Variants in STRA8 observed in about 807,000 individuals in gnomAD.
STRA8 encodes the protein stimulated by retinoic acid 8.
A neutral mutation model predicts 37.1 loss-of-function variants in STRA8; 18 were observed. That is an observed-to-expected ratio of 0.48 (90% confidence interval 0.34 to 0.72). The LOEUF is 0.72. STRA8 is among the 30% of genes least tolerant of loss of function. The pLI, the probability that STRA8 is intolerant of heterozygous loss-of-function variation, is 0.01. For synonymous variants in STRA8, 168 were observed against 162.9 expected (o/e 1.03, Z -0.24); for missense variants, 357 against 410.4 (o/e 0.87, Z 1.13).
upstream of STRA8, chr7:135,232,032 G>A (rs1464609250): frequency 6.2e-7 from 1 of 1,614,010 alleles, no homozygotes; most frequent in South Asian, 1.1e-5. Flanking sequence ...AAATCAGGCT[G>A]TGGCAGGTAA....
intron 6 of STRA8, among the ~76,000 whole-genome samples, chr7:135,248,463 G>A (rs961637114): frequency 3.9e-5 from 6 of 152,256 alleles, no homozygotes; most frequent in Middle Eastern, 3.4e-3. Flanking sequence ...CAGCACTTGG[G>A]GAGGCCGAGC....
At chr7:135,248,407 TA>T (rs1832595940) in intron 6 of STRA8, among the ~76,000 whole-genome samples, 1 of 141,230 alleles carries the variant, frequency 7.1e-6, no homozygotes, top group African/African-American at 2.6e-5. Context: ...AGTTTTTTTT[TA>T]AAGTCAGGTG....
chr7:135,245,244 G>A (rs1832528288), intron 4 of STRA8, 44 bp from the exon 5 acceptor site: 2 of 780,530 alleles, frequency 2.6e-6, no homozygotes, highest in Non-Finnish European at 4.8e-6. Flanking sequence ...ATGTTCATGA[G>A]GGATATTAAT....
intron 6 of STRA8, among the ~76,000 whole-genome samples, chr7:135,249,448 G>A (rs1832608448): frequency 6.6e-6 from 1 of 152,130 alleles, no homozygotes; most frequent in Non-Finnish European, 1.5e-5. Context: ...GCTGGGCGTG[G>A]TGGCGAGTGC....
chr7:135,234,103 G>GATTATT (rs1426903034), intron 1 of STRA8, among the ~76,000 whole-genome samples, 200 bp downstream of exon 1: 8 of 147,498 alleles, frequency 5.4e-5, no homozygotes, highest in African/African-American at 2.0e-4. Flanking sequence ...TGATGATGAT[G>GATTATT]ATTATTATTA....
Position 135,246,654 on chromosome 7 carries a change from C to G in STRA8, c.831C>G (p.Gly277=). 2 of 1,534,814 alleles carry G rather than the reference C, an allele frequency of 1.3e-6. No individual in the cohort carries two copies. Among genetic ancestry groups the G allele is most frequent in the Non-Finnish European group, 1.7e-6 (2 of 1,145,668 alleles). Residue 277 remains glycine (G), a synonymous_variant, in exon 6 of 9, where the codon GGC becomes GGG. Coordinates refer to ENST00000662584, the MANE Select transcript of STRA8 (RefSeq NM_001394401.1). This position sits in a 1 kb window ranked among gnomAD's most constrained non-coding sequence, Gnocchi z 5.4. Reference sequence around the variant, plus strand: ...CCGAGGGCAGCGTGAAGGACAGCGGCGTGGACAGCCAGGGGGCCAGCTGCT... The same window carrying G: ...CCGAGGGCAGCGTGAAGGACAGCGGGGTGGACAGCCAGGGGGCCAGCTGCT... ...ACAEGSVKDS[G]VDSQGASCSL...
At chr7:135,249,788 C>T (rs1172140566) in intron 6 of STRA8, among the ~76,000 whole-genome samples, 2 of 152,216 alleles carry the variant, frequency 1.3e-5, no homozygotes, top group Non-Finnish European at 2.9e-5. Flanking sequence ...CCAGGAAGAA[C>T]ACATCCAAAG....
intron 8 of STRA8, among the ~76,000 whole-genome samples, chr7:135,255,923 C>G (rs1330932935): frequency 2.6e-5 from 4 of 152,250 alleles, no homozygotes. Context: ...ATTTCATCAT[C>G]TTCTACAGTC....
intron 1 of STRA8, among the ~76,000 whole-genome samples, chr7:135,237,668 C>T (rs185431434): frequency 4.6e-5 from 7 of 152,182 alleles, no homozygotes; most frequent in African/African-American, 9.6e-5. Flanking sequence ...CCGAGGCAGG[C>T]GGATCAGGAG....
rs776378741 is a variant in STRA8, at chr7:135,240,495, A to T, written c.-6-24A>T. 1.9e-5 allele frequency: 30 copies of T among 1,598,174 alleles called. No individual in the cohort carries two copies. In the South Asian group the frequency reaches 2.9e-4, roughly 15 times the overall value. On this transcript the variant is annotated intron_variant, in intron 1 of 8. Coordinates refer to ENST00000662584, the MANE Select transcript of STRA8 (RefSeq NM_001394401.1). Reference sequence around the variant, plus strand: ...GTATTTTTATTATCTAGGGCAAAAAAAAAAGCATACTATTACATTACAGCT... The same window carrying T: ...GTATTTTTATTATCTAGGGCAAAAATAAAAGCATACTATTACATTACAGCT...
At position 135,251,859 on chromosome 7, in the gene STRA8, T is replaced by A; in HGVS notation, c.943T>A (p.Ser315Thr). 17 of 1,614,132 alleles carry A rather than the reference T, an allele frequency of 1.1e-5. No homozygotes were observed. Among genetic ancestry groups the A allele is most frequent in the African/African-American group, 1.3e-5 (1 of 75,028 alleles). ...GGACAAAAGTGAGGTTCCGAGTACA[T>A]CTAGCTCCAGGTGAGGAAGAGGGTG... ...FLDKSEVPST[S>T]SSSSVLASCN... Residue 315 changes from serine to threonine, a missense_variant, in exon 7 of 9, where the codon TCT (serine) becomes ACT (threonine). Ser to Thr is a moderately conservative substitution (Grantham distance 58). Transcript: ENST00000662584.
chr7:135,246,320 G>A lies in STRA8; in HGVS notation c.594-97G>A. The A allele has an allele frequency of 4.7e-6, 7 of 1,504,502 alleles. No individual in the cohort carries two copies. The highest frequency in any genetic ancestry group is 6.3e-6 in the Non-Finnish European group (7 of 1,107,498). The allele number at this position is 1,504,502 out of a possible 1,614,324, so 93.2% of individuals were successfully genotyped here. Reference sequence around the variant, plus strand: ...AGCCCTGGTGAGCCGTGGCGCCGTGGCCGGGCCTGCGTGCTGGGGTCCACA... The same window carrying A: ...AGCCCTGGTGAGCCGTGGCGCCGTGACCGGGCCTGCGTGCTGGGGTCCACA... On this transcript the variant is annotated intron_variant, in intron 5 of 8. Transcript: ENST00000662584. The surrounding 1 kb of genome is among the most constrained non-coding windows in gnomAD (Gnocchi z 5.4).
chr7:135,246,131 C>T lies in STRA8; in HGVS notation c.594-286C>T, dbSNP rs1204269826. The T allele has an allele frequency of 4.1e-6, 2 of 485,230 alleles. No homozygotes were observed. The highest frequency in any genetic ancestry group is 7.4e-6 in the Non-Finnish European group (2 of 270,090). 30.1% of individuals were successfully genotyped at this position (485,230 alleles called of 1,614,324 possible). A position where few individuals can be genotyped will look rare whatever the true frequency, so the allele number is the denominator to read the frequency against. ...TATTCCCTTAGGATGAGAGCTGAGGCAGCTACGCCTCTTATCTGCTTCTGT... is the reference window on the plus strand; with the variant it reads ...TATTCCCTTAGGATGAGAGCTGAGGTAGCTACGCCTCTTATCTGCTTCTGT... On this transcript the variant is annotated intron_variant, in intron 5 of 8. Transcript: ENST00000662584. The surrounding 1 kb of genome is among the most constrained non-coding windows in gnomAD (Gnocchi z 5.4).
Position 135,246,794 on chromosome 7 carries a change from G to T in STRA8, c.879+92G>T. The stretch of plus-strand genomic sequence containing the variant: ...CCAGGGCTTTGCATTTAGCAGGTTG[G>T]AGGTGCAGTTTGCCTTCTGGCTCCC... On this transcript the variant is annotated intron_variant, in intron 6 of 8. Transcript: ENST00000662584. This position sits in a 1 kb window ranked among gnomAD's most constrained non-coding sequence, Gnocchi z 5.4. The T allele has an allele frequency of 7.4e-7, 1 of 1,347,024 alleles. No individual in the cohort carries two copies. The highest frequency in any genetic ancestry group is 1.5e-5 in the African/African-American group (1 of 66,786). 83.4% of individuals were successfully genotyped at this position (1,347,024 alleles called of 1,614,324 possible).
chr7:135,246,460 A>C lies in STRA8; in HGVS notation c.637A>C (p.Ser213Arg). The C allele has an allele frequency of 6.3e-7, 1 of 1,599,848 alleles. No individual in the cohort carries two copies. Among genetic ancestry groups the C allele is most frequent in the Non-Finnish European group, 8.5e-7 (1 of 1,172,716 alleles). Reference sequence around the variant, plus strand: ...ACAGACGATGGACCTTCTGACTGGCAGCGGGATCATTACCCCGCAGGAGGC... The same window carrying C: ...ACAGACGATGGACCTTCTGACTGGCCGCGGGATCATTACCCCGCAGGAGGC... ...YKQTMDLLTG[S>R]GIITPQEAAL... is the part of the protein sequence containing the mutation. The change falls in exon 6 of 9, where the codon AGC becomes CGC. Residue 213 changes from serine (S) to arginine (R), a missense_variant. By Grantham distance (110) the Ser-to-Arg change is moderately radical. Transcript: ENST00000662584. The surrounding 1 kb of genome is among the most constrained non-coding windows in gnomAD (Gnocchi z 5.4).
intron 2 of STRA8, among the ~76,000 whole-genome samples, chr7:135,242,538 A>G (rs1832482568): frequency 6.6e-6 from 1 of 152,214 alleles, no homozygotes; most frequent in African/African-American, 2.4e-5. Context: ...TTTGCTGAAC[A>G]AAGCTTAACT....
rs1832530017 is a variant in STRA8 at position 135,245,302 on chromosome 7, G to A, written c.368G>A (p.Ser123Asn). ...YSGNDSLLSN[S>N]FPQNGSSPWC... is the part of the protein sequence containing the mutation. Reference sequence around the variant, plus strand: ...TTCTTTCCCAGCCTGCTTTCAAACAGTTTTCCTCAGAATGGTTCCTCCCCT... The same window carrying A: ...TTCTTTCCCAGCCTGCTTTCAAACAATTTTCCTCAGAATGGTTCCTCCCCT... Residue 123 changes from serine to asparagine, a missense_variant, in exon 5 of 9, where the codon AGT becomes AAT. Transcript: ENST00000662584. The A allele has an allele frequency of 1.3e-6, 1 of 780,994 alleles. No homozygotes were observed. Among genetic ancestry groups the A allele is most frequent in the African/African-American group, 1.7e-5 (1 of 59,230 alleles). The allele number at this position is 780,994 out of a possible 1,614,324, so 48.4% of individuals were successfully genotyped here.
At chr7:135,240,846 C>T (rs1832454011) in intron 2 of STRA8, 130 bp downstream of exon 2, 3 of 966,134 alleles carry the variant, frequency 3.1e-6, no homozygotes, top group Non-Finnish European at 3.1e-6. Flanking sequence ...CGACAAATGC[C>T]CTAGACAGGG....
chr7:135,255,305 C>A (rs1832690172), intron 8 of STRA8, 80 bp downstream of exon 8: 1 of 1,012,856 alleles, frequency 9.9e-7, no homozygotes, highest in African/African-American at 1.6e-5. Flanking sequence ...CAGCCCTAAC[C>A]AGAACTCACC....
Sources: allele counts gnomAD v4.1 joint callset (sites outside exome capture counted in the v4.1 genomes callset), GRCh38; gene constraint gnomAD v4.1.1; non-coding constraint Gnocchi (gnomAD v3.1); transcripts MANE v1.5; gene names NCBI Gene and HGNC (gene_info 2026-07-23, HGNC 2026-07-21).